The following ENTREP2 variants were observed in gnomAD, a reference collection of about 807,000 sequenced individuals.
The protein encoded by ENTREP2 is endosomal transmembrane epsin interactor 2, also known as protein ENTREP2.
chr15:29,203,645 G>A, the ENTREP2 span, among the ~76,000 whole-genome samples: 2 of 152,006 alleles, frequency 1.3e-5, no homozygotes, highest in African/African-American at 2.4e-5. Context: ...TGAAATATAC[G>A]AGGCATTATT....
chr15:29,386,521 T>C, the ENTREP2 span, among the ~76,000 whole-genome samples: 1 of 152,124 alleles, frequency 6.6e-6, no homozygotes, highest in African/African-American at 2.4e-5. Context: ...AGGTATTAAG[T>C]GAGTGTTGTG....
At chr15:29,492,807 C>T in the ENTREP2 span, among the ~76,000 whole-genome samples, 1 of 152,024 alleles carries the variant, frequency 6.6e-6, no homozygotes, top group Admixed American at 6.6e-5. Context: ...AGTTCGAGAC[C>T]AGCCTGGCCA....
the ENTREP2 span, among the ~76,000 whole-genome samples, chr15:29,283,348 CTCT>C: frequency 1.7e-3 from 254 of 152,288 alleles, no homozygotes; most frequent in African/African-American, 5.8e-3. Context: ...CTGCCTCTAT[CTCT>C]TCTTCTTTTT....
At chr15:29,137,350 C>T in the ENTREP2 span, among the ~76,000 whole-genome samples, 16 of 152,254 alleles carry the variant, frequency 1.1e-4, no homozygotes, top group South Asian at 1.5e-3. Context: ...AAAATGAAGG[C>T]GCCAGGAGGA....
chr15:29,186,545 G>GACCTTAAAAATGTCC, the ENTREP2 span, among the ~76,000 whole-genome samples: 1 of 152,224 alleles, frequency 6.6e-6, no homozygotes. Context: ...CATTGCATTA[G>GACCTTAAAAATGTCC]ACCTTAAAAA....
At chr15:29,235,150 G>A in the ENTREP2 span, 1 of 867,456 alleles carries the variant, frequency 1.2e-6, no homozygotes, top group Non-Finnish European at 1.9e-6. Flanking sequence ...CTCTGCCTGA[G>A]CGAGGTGGGA....
At chr15:29,529,936 A>C in the ENTREP2 span, among the ~76,000 whole-genome samples, 1 of 152,196 alleles carries the variant, frequency 6.6e-6, no homozygotes, top group Admixed American at 6.5e-5. Context: ...AAAGACAAAC[A>C]GAGCTAAAAT....
the ENTREP2 span, among the ~76,000 whole-genome samples, chr15:29,567,170 A>AG: frequency 6.6e-6 from 1 of 152,280 alleles, no homozygotes; most frequent in East Asian, 1.9e-4. Context: ...AACCACCTGC[A>AG]GGGGGTCCTC....
the ENTREP2 span, among the ~76,000 whole-genome samples, chr15:29,368,002 C>CAA: frequency 4.8e-3 from 475 of 98,982 alleles, 4 homozygotes; most frequent in African/African-American, 0.01. Context: ...CATATTCAGG[C>CAA]AAAAAAAAAA....
chr15:29,377,444 A>T, the ENTREP2 span, among the ~76,000 whole-genome samples: 1 of 152,092 alleles, frequency 6.6e-6, no homozygotes, highest in Admixed American at 6.5e-5. Flanking sequence ...ATCTGTTAGG[A>T]GGCTACTATA....
At chr15:29,286,731 A>G in the ENTREP2 span, among the ~76,000 whole-genome samples, 8 of 152,240 alleles carry the variant, frequency 5.3e-5, no homozygotes, top group Non-Finnish European at 1.0e-4. Flanking sequence ...AGCCAGCATC[A>G]AAGTTCCAAA....
At chr15:29,655,470 G>A in the ENTREP2 span, among the ~76,000 whole-genome samples, 1 of 152,104 alleles carries the variant, frequency 6.6e-6, no homozygotes, top group Non-Finnish European at 1.5e-5. Context: ...AACACAACAT[G>A]TTTTGCTTTC....
At chr15:29,334,213 G>A in the ENTREP2 span, among the ~76,000 whole-genome samples, 5 of 152,152 alleles carry the variant, frequency 3.3e-5, no homozygotes, top group South Asian at 2.1e-4. Flanking sequence ...CAACTTCCCC[G>A]GGACATGATA....
the ENTREP2 span, among the ~76,000 whole-genome samples, chr15:29,276,823 A>G: frequency 6.6e-6 from 1 of 152,216 alleles, no homozygotes; most frequent in Non-Finnish European, 1.5e-5. Flanking sequence ...AGCCAATCCT[A>G]TTATTCAGGG....
chr15:29,369,456 T>C, the ENTREP2 span, among the ~76,000 whole-genome samples: 28,042 of 151,962 alleles, frequency 0.18, 2,875 homozygotes, highest in East Asian at 0.38. Flanking sequence ...ACCAAGAATT[T>C]CATATCCAGC....
chr15:29,402,883 C>T, the ENTREP2 span, among the ~76,000 whole-genome samples: 104 of 152,322 alleles, frequency 6.8e-4, 1 homozygote, highest in South Asian at 6.4e-3. Context: ...CTGGTTCTGC[C>T]TCCTAAGTGA....
At chr15:29,474,851 C>G in the ENTREP2 span, among the ~76,000 whole-genome samples, 1 of 152,156 alleles carries the variant, frequency 6.6e-6, no homozygotes, top group Non-Finnish European at 1.5e-5. Context: ...GCCACCGCAC[C>G]CGGCCAAGGT....
the ENTREP2 span, among the ~76,000 whole-genome samples, chr15:29,241,532 T>C: frequency 6.6e-6 from 1 of 152,190 alleles, no homozygotes; most frequent in African/African-American, 2.4e-5. Flanking sequence ...GTGTACTTCT[T>C]GCATCTTTTA....
chr15:29,661,883 C>T, the ENTREP2 span, among the ~76,000 whole-genome samples: 1 of 152,170 alleles, frequency 6.6e-6, no homozygotes, highest in Non-Finnish European at 1.5e-5. Flanking sequence ...TTTTCCATGT[C>T]CATGTCTACC....
Sources: allele counts gnomAD v4.1 joint callset (sites outside exome capture counted in the v4.1 genomes callset), GRCh38; gene constraint gnomAD v4.1.1; transcripts MANE v1.5; gene names NCBI Gene and HGNC (gene_info 2026-07-23, HGNC 2026-07-21).